Variants in GALNT14 observed in about 807,000 individuals in gnomAD.
GALNT14 encodes the protein polypeptide N-acetylgalactosaminyltransferase 14.
In GALNT14, 60 loss-of-function variants were observed where a neutral mutation model predicts 77.5. The ratio of observed to expected loss-of-function variants is 0.77; its 90% CI spans 0.63 to 0.96. The LOEUF (loss-of-function observed/expected upper bound fraction) is 0.96. Ranked by LOEUF, GALNT14 falls within the 40% of genes least tolerant of loss-of-function variation. The pLI is 0.00. For synonymous variants in GALNT14, 280 were observed against 281.7 expected, an observed-to-expected ratio of 0.99 and a Z score of 0.06; for missense variants, 710 against 731.0, an observed-to-expected ratio of 0.97 and a Z score of 0.33.
intron 3 of GALNT14, among the ~76,000 whole-genome samples, chr2:30,961,855 G>T (rs1024387045): frequency 5.4e-5 from 8 of 147,318 alleles, no homozygotes; most frequent in Non-Finnish European, 7.6e-5. Flanking sequence ...CTAATTTTTT[G>T]GTTTTTTTGT....
intron 1 of GALNT14, among the ~76,000 whole-genome samples, chr2:31,137,439 A>G (rs1376127359): frequency 6.6e-6 from 1 of 152,198 alleles, no homozygotes; most frequent in Non-Finnish European, 1.5e-5. Context: ...GAACAGTTAG[A>G]GAACAGGGGT....
At chr2:31,018,978 AG>A (rs919935178) in intron 1 of GALNT14, among the ~76,000 whole-genome samples, 1 of 152,140 alleles carries the variant, frequency 6.6e-6, no homozygotes, top group Non-Finnish European at 1.5e-5. Flanking sequence ...GACAGCGTGA[AG>A]GGGGCCGGTG....
At chr2:30,953,681 G>A (rs373721610) in intron 6 of GALNT14, among the ~76,000 whole-genome samples, 2 of 152,110 alleles carry the variant, frequency 1.3e-5, no homozygotes, top group South Asian at 4.2e-4. Context: ...CTTTACTGGA[G>A]GTCATTTGTG....
intron 1 of GALNT14, among the ~76,000 whole-genome samples, chr2:31,117,728 G>A (rs547026052): frequency 4.6e-5 from 7 of 152,216 alleles, no homozygotes; most frequent in African/African-American, 1.7e-4. Context: ...AGTAGAAAAC[G>A]TGAAAAGACC....
chr2:30,930,002 G>C lies in GALNT14; in HGVS notation c.1059-515C>G, dbSNP rs550134811. Among the ~76,000 whole-genome samples the C allele has an allele frequency of 6.8e-4, 103 of 152,310 alleles. 1 individual carries two copies. The highest frequency in any genetic ancestry group is 1.0e-3 in the Non-Finnish European group (70 of 68,030). On this transcript the variant is annotated intron_variant, in intron 10 of 14. Coordinates refer to ENST00000349752, the MANE Select transcript of GALNT14 (RefSeq NM_024572.4). The stretch of plus-strand genomic sequence containing the variant: ...AATTTGCCACCTGTGGCATCATGTG[G>C]GTGCTCAGAAAGTTTCAGATTTTGG...
At chr2:30,963,055 T>C (rs1034835392) in intron 3 of GALNT14, among the ~76,000 whole-genome samples, 47 of 152,272 alleles carry the variant, frequency 3.1e-4, no homozygotes, top group African/African-American at 1.1e-3. Flanking sequence ...AGGTCTCCAT[T>C]TTGCTGTTTG....
chr2:31,088,215 C>T (rs1374211585), intron 1 of GALNT14, among the ~76,000 whole-genome samples: 2 of 152,158 alleles, frequency 1.3e-5, no homozygotes, highest in Non-Finnish European at 2.9e-5. Flanking sequence ...GGGTAAGGAA[C>T]ATGATGGGGA....
At chr2:31,112,955 G>A (rs1361173497) in intron 1 of GALNT14, among the ~76,000 whole-genome samples, 3 of 152,190 alleles carry the variant, frequency 2.0e-5, no homozygotes, top group African/African-American at 7.2e-5. Flanking sequence ...CAGCAGTGGT[G>A]TTATATGCAG....
At chr2:30,906,275 G>C (rs1313639559), downstream of GALNT14, among the ~76,000 whole-genome samples, 5 of 150,972 alleles carry the variant, frequency 3.3e-5, no homozygotes, top group Non-Finnish European at 7.4e-5. Flanking sequence ...GCAAATTGGA[G>C]AGTCAAGACC....
intron 1 of GALNT14, among the ~76,000 whole-genome samples, chr2:31,057,317 A>AT (rs397942079): frequency 2.9e-4 from 41 of 139,750 alleles, no homozygotes; most frequent in South Asian, 6.8e-4. Context: ...ATATATATAT[A>AT]AAATTATATA....
At chr2:30,905,685 C>A (rs1381673357), downstream of GALNT14, among the ~76,000 whole-genome samples, 1 of 150,634 alleles carries the variant, frequency 6.6e-6, no homozygotes, top group African/African-American at 2.4e-5. Context: ...GGCAGGCCAA[C>A]GTTCAGATTC....
At chr2:31,101,028 C>G (rs1677248651) in intron 1 of GALNT14, among the ~76,000 whole-genome samples, 1 of 151,894 alleles carries the variant, frequency 6.6e-6, no homozygotes, top group African/African-American at 2.4e-5. Flanking sequence ...AAGGCATATT[C>G]TTTTTTTACC....
chr2:31,099,091 T>C (rs1399861577), intron 1 of GALNT14, among the ~76,000 whole-genome samples: 1 of 152,150 alleles, frequency 6.6e-6, no homozygotes, highest in African/African-American at 2.4e-5. Flanking sequence ...CCACTTTTTA[T>C]ATATAAGTTA....
chr2:30,912,434 G>A, intron 13 of GALNT14, 92 bp from the exon 14 acceptor site: 1 of 1,447,974 alleles, frequency 6.9e-7, no homozygotes, highest in Non-Finnish European at 9.4e-7. Context: ...ATTAGCACAG[G>A]CTGGTAAGAA....
chr2:30,958,306 C>T (rs1327762198), intron 4 of GALNT14, 91 bp downstream of exon 4: 5 of 1,123,500 alleles, frequency 4.5e-6, no homozygotes, highest in Non-Finnish European at 6.6e-6. Context: ...TTTCCCCATT[C>T]CCAGAAAACC....
intron 1 of GALNT14, chr2:31,132,835 C>A: frequency 2.5e-6 from 1 of 407,798 alleles, no homozygotes. Context: ...AGGAGTCATG[C>A]AGCTGGAGGC....
chr2:30,971,495 G>A (rs1377524365), intron 2 of GALNT14, among the ~76,000 whole-genome samples: 1 of 152,098 alleles, frequency 6.6e-6, no homozygotes, highest in Non-Finnish European at 1.5e-5. Flanking sequence ...AGGAAGGCAT[G>A]CTTTTCTAAG....
chr2:30,968,331 G>A (rs1668135400), intron 2 of GALNT14, among the ~76,000 whole-genome samples: 1 of 152,216 alleles, frequency 6.6e-6, no homozygotes, highest in Admixed American at 6.5e-5. Context: ...TTCACTAACT[G>A]GGTTTTATGT....
intron 1 of GALNT14, among the ~76,000 whole-genome samples, chr2:31,050,669 A>C (rs1246399492): frequency 6.6e-6 from 1 of 152,136 alleles, no homozygotes; most frequent in African/African-American, 2.4e-5. Flanking sequence ...CAGTAACCTA[A>C]GATGACAACG....
Sources: allele counts gnomAD v4.1 joint callset (sites outside exome capture counted in the v4.1 genomes callset), GRCh38; gene constraint gnomAD v4.1.1; transcripts MANE v1.5; gene names NCBI Gene and HGNC (gene_info 2026-07-23, HGNC 2026-07-21).